The following WDR27 variants were observed in gnomAD, a reference collection of about 807,000 sequenced individuals.
WDR27 encodes WD repeat domain 27, also known as WD repeat-containing protein 27.
WDR27 carries 100 observed loss-of-function variants against 114.4 expected under a neutral mutation model. The observed-to-expected ratio is 0.87, with a 90% CI of 0.74 to 1.03. WDR27 has a LOEUF of 1.03. Among genes scored for constraint, WDR27 ranks in the 50% least tolerant of loss-of-function variants. The pLI, the probability that WDR27 is intolerant of heterozygous loss-of-function variation, is 0.00. For synonymous variants in WDR27, 449 were observed against 423.1 expected (o/e 1.06, Z -0.75); for missense variants, 1,129 against 1,092.9 (o/e 1.03, Z -0.47).
At chr6:169,667,002 G>C (rs866758130) in intron 6 of WDR27, 134 bp downstream of exon 6, 8 of 1,282,318 alleles carry the variant, frequency 6.2e-6, no homozygotes, top group Middle Eastern at 2.0e-4. Flanking sequence ...CGGGAGTGAA[G>C]GGCTGTAAGT....
intron 21 of WDR27, among the ~76,000 whole-genome samples, chr6:169,622,146 C>G (rs1223921477): frequency 6.6e-6 from 1 of 152,206 alleles, no homozygotes; most frequent in Admixed American, 6.5e-5. Context: ...AGGTCCCCTC[C>G]CTGATTTGTG....
At chr6:169,588,108 C>G (rs551597680) in intron 23 of WDR27, among the ~76,000 whole-genome samples, 2 of 152,212 alleles carry the variant, frequency 1.3e-5, no homozygotes, top group South Asian at 4.2e-4. Flanking sequence ...ACTGGAGAGA[C>G]GAACAGCTCA....
At position 169,613,588 on chromosome 6, in the gene WDR27, C is replaced by G. The variant is rs1375702580; in HGVS notation, c.2292G>C (p.Gly764=). The change falls in exon 22 of 26, where the codon GGG becomes GGC. Residue 764 remains glycine (G), a synonymous_variant. Coordinates refer to ENST00000448612, the MANE Select transcript of WDR27 (RefSeq NM_182552.5). ...NLFLTTAIGD[G]MRLWDLRTLR... is the part of the protein sequence containing the mutation. ...GGGTTCTCAGGTCCCACAGTCTCAT[C>G]CCATCGCCAATGGCCGTGGTCAGGA... 1 of 1,613,850 alleles carries G rather than the reference C, an allele frequency of 6.2e-7. No homozygotes were observed.
Position 169,670,617 on chromosome 6 carries a change from A to G in WDR27, c.408T>C (p.His136=). 5 of 1,614,018 alleles carry G rather than the reference A, an allele frequency of 3.1e-6. No individual in the cohort carries two copies. The highest frequency in any genetic ancestry group is 4.2e-6 in the Non-Finnish European group (5 of 1,179,894). The stretch of plus-strand genomic sequence containing the variant: ...TGTTTCCAGCACACACGGCAACAAC[A>G]TGATCATCCAGGCTCAACTGTAAAC... ...VLCLQLSLDD[H]VVAVCAGNKI... The change falls in exon 4 of 26, where the codon CAT becomes CAC. Residue 136 remains histidine, a synonymous_variant. Coordinates refer to ENST00000448612, the MANE Select transcript of WDR27 (RefSeq NM_182552.5).
At chr6:169,619,961 C>A (rs1812723214) in intron 21 of WDR27, among the ~76,000 whole-genome samples, 2 of 152,188 alleles carry the variant, frequency 1.3e-5, no homozygotes, top group Non-Finnish European at 2.9e-5. Context: ...ATGGCAAAGA[C>A]ACATGTTTTG....
chr6:169,434,734 G>A, the WDR27 span, among the ~76,000 whole-genome samples: 3 of 152,148 alleles, frequency 2.0e-5, no homozygotes, highest in Non-Finnish European at 4.4e-5. Context: ...GCTGTTAAAG[G>A]CATTCAGCTT....
chr6:169,450,324 C>A, the WDR27 span, among the ~76,000 whole-genome samples: 7 of 152,190 alleles, frequency 4.6e-5, no homozygotes, highest in Non-Finnish European at 8.8e-5. Flanking sequence ...AATGCCAGCT[C>A]CGGGTTTCAT....
At chr6:169,574,305 CTTATT>C (rs927042454) in intron 24 of WDR27, among the ~76,000 whole-genome samples, 70 of 152,322 alleles carry the variant, frequency 4.6e-4, no homozygotes, top group African/African-American at 1.6e-3. Context: ...ACTCACAAGT[CTTATT>C]TTGACAACTG....
intron 24 of WDR27, among the ~76,000 whole-genome samples, chr6:169,574,060 T>C (rs1423239578): frequency 6.6e-6 from 1 of 152,284 alleles, no homozygotes; most frequent in African/African-American, 2.4e-5. Flanking sequence ...TCCAACAAAC[T>C]GAAGCTGACA....
At chr6:169,536,709 A>T (rs1466562198) in intron 25 of WDR27, among the ~76,000 whole-genome samples, 1 of 152,166 alleles carries the variant, frequency 6.6e-6, no homozygotes, top group African/African-American at 2.4e-5. Context: ...GTTAAGTCAG[A>T]CACAAACCAG....
intron 25 of WDR27, among the ~76,000 whole-genome samples, chr6:169,504,582 A>C (rs1791764145): frequency 6.6e-6 from 1 of 152,190 alleles, no homozygotes. Context: ...TATTAGCAGC[A>C]TGAGAACAGA....
chr6:169,578,089 A>G (rs911012720), intron 24 of WDR27, among the ~76,000 whole-genome samples: 1 of 151,980 alleles, frequency 6.6e-6, no homozygotes. Flanking sequence ...TCCTACTGGG[A>G]GGTTGGTGTC....
At position 169,701,817 on chromosome 6, in the gene WDR27, C is replaced by G. The variant is rs1247598773; in HGVS notation, c.-274G>C. On this transcript the variant is annotated 5_prime_UTR_variant, in exon 1 of 26. Transcript: ENST00000448612. ...ACCTCAGCGGAGCCGCGAGCAACCG[C>G]GCAGCCCCCGCGCTCCAGCCCTGCG... 2 of 295,198 alleles carry G rather than the reference C, an allele frequency of 6.8e-6. No homozygotes were observed. The highest frequency in any genetic ancestry group is 4.7e-5 in the African/African-American group (2 of 42,376). The allele number at this position is 295,198 out of a possible 1,614,324, so 18.3% of individuals were successfully genotyped here. A position where few individuals can be genotyped will look rare whatever the true frequency, so the allele number is the denominator to read the frequency against.
chr6:169,672,235 T>A lies in WDR27; in HGVS notation c.331+20A>T, dbSNP rs376554980. 6 of 1,610,176 alleles carry A rather than the reference T, an allele frequency of 3.7e-6. No individual in the cohort carries two copies. Among genetic ancestry groups the A allele is most frequent in the Non-Finnish European group, 5.1e-6 (6 of 1,178,116 alleles). ...TTCCTTTTGCAGGTTTTTAAAAACA[T>A]GTTTTAGATTTTCATTTACCTTGAA... On this transcript the variant is annotated intron_variant, in intron 3 of 25. Transcript: ENST00000448612.
At chr6:169,518,571 G>A (rs1562524221) in intron 25 of WDR27, among the ~76,000 whole-genome samples, 1 of 152,350 alleles carries the variant, frequency 6.6e-6, no homozygotes, top group East Asian at 1.9e-4. Flanking sequence ...ACTGCACAGG[G>A]CAGTGGGGCT....
chr6:169,606,313 T>C (rs1584529210), intron 22 of WDR27, among the ~76,000 whole-genome samples: 1 of 152,170 alleles, frequency 6.6e-6, no homozygotes, highest in Non-Finnish European at 1.5e-5. Flanking sequence ...ATAGACATTT[T>C]TACTTTATTT....
At chr6:169,609,470 G>A (rs1810017993) in intron 22 of WDR27, among the ~76,000 whole-genome samples, 1 of 152,344 alleles carries the variant, frequency 6.6e-6, no homozygotes, top group Non-Finnish European at 1.5e-5. Context: ...CCAACATGAT[G>A]TAGAAGCTGC....
At position 169,632,995 on chromosome 6, in the gene WDR27, C is replaced by T; in HGVS notation, c.2175G>A (p.Val725=). The change falls in exon 21 of 26, where the codon GTG becomes GTA. Residue 725 remains valine, a synonymous_variant. Coordinates refer to ENST00000448612, the MANE Select transcript of WDR27 (RefSeq NM_182552.5). ...FDLNAGCSAA[V]IAEAHSRPVH... The stretch of plus-strand genomic sequence containing the variant: ...CAGGCCGTGAGTGGGCTTCCGCTAT[C>T]ACCGCTGCACTGCAGCCGGCGTTGA... 3 of 1,596,554 alleles carry T rather than the reference C, an allele frequency of 1.9e-6. No individual in the cohort carries two copies. The highest frequency in any genetic ancestry group is 2.6e-6 in the Non-Finnish European group (3 of 1,165,900).
At chr6:169,661,783 G>A (rs1347004958) in intron 9 of WDR27, among the ~76,000 whole-genome samples, 4 of 152,200 alleles carry the variant, frequency 2.6e-5, no homozygotes, top group Non-Finnish European at 5.9e-5. Context: ...AACGGCCAAG[G>A]CCATTCAAAG....
Sources: gnomAD v4.1 joint callset for allele counts (sites outside exome capture counted in the v4.1 genomes callset) on GRCh38, gnomAD v4.1.1 for gene constraint, MANE v1.5 for transcripts, NCBI Gene and HGNC (gene_info 2026-07-23, HGNC 2026-07-21) for gene names.